CNTN6: variants seen among roughly 807,000 people sequenced by gnomAD.
CNTN6 encodes contactin-6.
In CNTN6, 137 loss-of-function variants were observed where a neutral mutation model predicts 122.8. The ratio of observed to expected loss-of-function variants is 1.12; its 90% confidence interval spans 0.97 to 1.29. The LOEUF (loss-of-function observed/expected upper bound fraction) is 1.29. CNTN6 is among the 50% of genes most tolerant of loss of function. The pLI, the probability that CNTN6 is intolerant of heterozygous loss-of-function variation, is 0.00. For synonymous variants in CNTN6, 570 were observed against 426.0 expected, an observed-to-expected ratio of 1.34 and a Z score of -4.16; for missense variants, 1,634 against 1,223.4, an observed-to-expected ratio of 1.34 and a Z score of -5.01.
intron 12 of CNTN6, 37 bp downstream of exon 12, chr3:1,352,488 G>A (rs754932040): frequency 6.2e-7 from 1 of 1,605,428 alleles, no homozygotes; most frequent in East Asian, 2.2e-5. Flanking sequence ...GATGAACATT[G>A]TAAATATGCA....
chr3:1,309,318 T>C (rs1452939426), intron 7 of CNTN6, among the ~76,000 whole-genome samples: 1 of 152,222 alleles, frequency 6.6e-6, no homozygotes. Flanking sequence ...GTGAAAGATA[T>C]GACTTCTGGG....
intron 20 of CNTN6, among the ~76,000 whole-genome samples, chr3:1,391,252 A>G (rs1244752075): frequency 3.4e-5 from 4 of 117,038 alleles, no homozygotes; most frequent in African/African-American, 3.7e-5. Context: ...GGTTCAATAT[A>G]CACAAATCAA....
chr3:1,228,014 G>A (rs760751145), intron 4 of CNTN6, 21 bp downstream of exon 4: 5 of 1,604,002 alleles, frequency 3.1e-6, no homozygotes, highest in Admixed American at 1.7e-5. Flanking sequence ...GGTAAATTTT[G>A]TAATCTTTGT....
intron 1 of CNTN6, among the ~76,000 whole-genome samples, chr3:1,133,394 A>T (rs2092389709): frequency 1.3e-5 from 2 of 152,188 alleles, no homozygotes; most frequent in South Asian, 4.1e-4. Flanking sequence ...CTGCCTATAA[A>T]ATATTGTTCT....
At position 1,103,031 on chromosome 3, in the gene CNTN6, G is replaced by C. The variant is rs960251236; in HGVS notation, c.-83+9911G>C. On this transcript the variant is annotated intron_variant, in intron 1 of 22. Coordinates refer to ENST00000446702, the MANE Select transcript of CNTN6 (RefSeq NM_001289080.2). ...TGAGGCAGGAGAATGGCGGGAACCC[G>C]GGAGGCGGAGCTTGCAGTGAGCCAA... 3.3e-5 allele frequency among the ~76,000 whole-genome samples: 5 copies of C among 151,544 alleles called. No individual in the cohort carries two copies. The South Asian group carries it at 6.3e-4, about 19-fold the overall frequency.
chr3:1,381,823 T>G (rs924749815), intron 17 of CNTN6, among the ~76,000 whole-genome samples: 6 of 152,116 alleles, frequency 3.9e-5, no homozygotes, highest in African/African-American at 1.2e-4. Context: ...ACCCACCATG[T>G]TTCATATGCA....
At chr3:1,278,327 T>C in intron 4 of CNTN6, 86 bp from the exon 5 acceptor site, 1 of 947,362 alleles carries the variant, frequency 1.1e-6, no homozygotes, top group Non-Finnish European at 1.6e-6. Context: ...TTCCCCTTAA[T>C]AATAAAAACA....
intron 1 of CNTN6, among the ~76,000 whole-genome samples, chr3:1,135,411 C>T (rs940564156): frequency 6.6e-6 from 1 of 152,034 alleles, no homozygotes; most frequent in Admixed American, 6.6e-5. Flanking sequence ...GGGTGGGGAC[C>T]GTGAACCTTA....
intron 4 of CNTN6, among the ~76,000 whole-genome samples, chr3:1,275,457 C>T (rs547822016): frequency 6.6e-6 from 1 of 152,142 alleles, no homozygotes; most frequent in Non-Finnish European, 1.5e-5. Context: ...TACACACACC[C>T]TCTCTCTCAT....
Position 1,101,004 on chromosome 3 carries a change from G to C in CNTN6, c.-83+7884G>C, listed in dbSNP as rs904939609. 1.2e-4 allele frequency among the ~76,000 whole-genome samples: 19 copies of C among 152,140 alleles called. 1 individual carries two copies. The highest frequency in any genetic ancestry group is 4.1e-4 in the African/African-American group (17 of 41,526). ...CTTCAACAGATGTTGTTTTCTATGG[G>C]AGACCAACCTTGTTTGAGTTGTGTA... On this transcript the variant is annotated intron_variant, in intron 1 of 22. Coordinates refer to ENST00000446702, the MANE Select transcript of CNTN6 (RefSeq NM_001289080.2).
chr3:1,349,573 A>C (rs905959457), intron 11 of CNTN6, among the ~76,000 whole-genome samples: 1 of 151,890 alleles, frequency 6.6e-6, no homozygotes, highest in Non-Finnish European at 1.5e-5. Context: ...ATCAATTAAA[A>C]TGTTCCAGTT....
chr3:1,245,302 A>ATATATAAAATATATATATAT (rs1559597469), intron 4 of CNTN6, among the ~76,000 whole-genome samples: 1 of 6,192 alleles, frequency 1.6e-4, no homozygotes, highest in Non-Finnish European at 3.4e-4. Context: ...TAACATATAT[A>ATATATAAAATATATATATAT]TATATATATA....
intron 16 of CNTN6, among the ~76,000 whole-genome samples, chr3:1,376,624 A>C (rs1023450829): frequency 1.3e-5 from 2 of 148,912 alleles, no homozygotes; most frequent in Non-Finnish European, 3.0e-5. Flanking sequence ...TTATTGAAAA[A>C]AAATAATTAA....
intron 5 of CNTN6, among the ~76,000 whole-genome samples, chr3:1,289,581 G>C (rs1211688720): frequency 6.6e-6 from 1 of 152,082 alleles, no homozygotes; most frequent in Admixed American, 6.5e-5. Context: ...AAATATACAA[G>C]GTGGTCCACC....
chr3:1,403,271 C>A, intron 22 of CNTN6, 47 bp from the exon 23 acceptor site: 2 of 1,236,434 alleles, frequency 1.6e-6, no homozygotes, highest in Non-Finnish European at 2.3e-6. Context: ...ATCTAACAGG[C>A]AATACTTTAT....
chr3:1,395,526 A>T (rs897308463), intron 20 of CNTN6, among the ~76,000 whole-genome samples: 1 of 151,716 alleles, frequency 6.6e-6, no homozygotes, highest in Admixed American at 6.6e-5. Flanking sequence ...TCTGCCTCTG[A>T]CCCTCTGCTT....
chr3:1,219,818 C>T (rs1044998169), intron 2 of CNTN6, among the ~76,000 whole-genome samples: 5 of 151,910 alleles, frequency 3.3e-5, no homozygotes, highest in African/African-American at 9.7e-5. Context: ...AATTTTAAGA[C>T]AAGCCTGGCA....
intron 4 of CNTN6, among the ~76,000 whole-genome samples, chr3:1,277,402 C>G (rs114078855): frequency 0.016 from 1,871 of 114,394 alleles, 61 homozygotes; most frequent in Middle Eastern, 0.062. Flanking sequence ...CTCTGTCTCT[C>G]AGGCTGGAGT....
At chr3:1,102,976 G>GT (rs539966905) in intron 1 of CNTN6, among the ~76,000 whole-genome samples, 4,716 of 145,922 alleles carry the variant, frequency 0.032, 257 homozygotes, top group African/African-American at 0.12. Flanking sequence ...GCGTGGTGGC[G>GT]GCGCCTGTGG....
Sources: allele counts gnomAD v4.1 joint callset (sites outside exome capture counted in the v4.1 genomes callset), GRCh38; gene constraint gnomAD v4.1.1; transcripts MANE v1.5; gene names NCBI Gene and HGNC (gene_info 2026-07-23, HGNC 2026-07-21).